The following ZFP1 variants were observed in gnomAD, a reference collection of about 807,000 sequenced individuals.
ZFP1 encodes the protein ZFP1 zinc finger protein.
In ZFP1, 32 loss-of-function variants were observed where a neutral mutation model predicts 38.5. The ratio of observed to expected loss-of-function variants is 0.83; its 90% CI spans 0.63 to 1.12. The LOEUF is 1.12. Ranked by LOEUF, ZFP1 falls within the 50% of genes most tolerant of loss-of-function variation. The probability of loss-of-function intolerance (pLI) is 0.00; values close to 1 mark genes in which losing one functional copy is unlikely to be tolerated. For missense variants in ZFP1, 616 were observed against 480.8 expected, an observed-to-expected ratio of 1.28 and a Z score of -2.63; for synonymous variants, 245 against 168.8, an observed-to-expected ratio of 1.45 and a Z score of -3.50.
At position 75,166,913 on chromosome 16, in the gene ZFP1, G is replaced by C. The variant is rs905830498; in HGVS notation, c.142+17G>C. The stretch of plus-strand genomic sequence containing the variant: ...TTTCAGTGGGTAAGGACGGTTTTCA[G>C]GTACAGCTCACCATGTGCCTAGAGG... On this transcript the variant is annotated intron_variant, in intron 3 of 3. Coordinates refer to ENST00000570010, the MANE Select transcript of ZFP1 (RefSeq NM_153688.4). 4 of 1,611,144 alleles carry C rather than the reference G, an allele frequency of 2.5e-6. No individual in the cohort carries two copies. The South Asian group carries it at 3.3e-5, about 13-fold the overall frequency.
the ZFP1 span, among the ~76,000 whole-genome samples, chr16:75,134,512 T>G: frequency 6.6e-6 from 1 of 151,854 alleles, no homozygotes; most frequent in Non-Finnish European, 1.5e-5. Context: ...ATCCCGGCAC[T>G]TTGGGAGGCC....
In ZFP1 at chr16:75,169,566, A is replaced by T; in HGVS notation, c.456A>T (p.Gly152=). The T allele has an allele frequency of 1.2e-6, 2 of 1,609,250 alleles. No individual in the cohort carries two copies. Among genetic ancestry groups the T allele is most frequent in the South Asian group, 2.2e-5 (2 of 90,110 alleles). The change falls in exon 4 of 4, where the codon GGA becomes GGT. Residue 152 remains glycine (G), a synonymous_variant. Transcript: ENST00000570010. ...TGAAGCAAGAGAAAACCCACAGTGG[A>T]GTAGAATATTCTGAATACAATAAAA... is the stretch of plus-strand genomic sequence containing the variant. The part of the protein sequence containing the change: ...LYLKQEKTHS[G]VEYSEYNKSG...
At chr16:75,150,382 T>C (rs796923237) in intron 1 of ZFP1, among the ~76,000 whole-genome samples, 10 of 43,128 alleles carry the variant, frequency 2.3e-4, no homozygotes, top group Admixed American at 1.0e-3. Context: ...CTAATTTTTT[T>C]ATTTTTTTTT....
chr16:75,125,998 T>TGAGAGGAGCAGGGTTGCAGTGAACC, the ZFP1 span, among the ~76,000 whole-genome samples: 3 of 139,104 alleles, frequency 2.2e-5, no homozygotes, highest in African/African-American at 5.4e-5. Flanking sequence ...AGCAGTGAGC[T>TGAGAGGAGCAGGGTTGCAGTGAACC]GAGATCAACC....
chr16:75,135,087 G>T, the ZFP1 span, among the ~76,000 whole-genome samples: 1 of 151,138 alleles, frequency 6.6e-6, no homozygotes, highest in Non-Finnish European at 1.5e-5. Flanking sequence ...GCTGGTGCCT[G>T]TAATCCCAGC....
chr16:75,148,761 G>C (rs2037012739), intron 1 of ZFP1, 118 bp downstream of exon 1: 1 of 152,288 alleles, frequency 6.6e-6, no homozygotes, highest in Non-Finnish European at 1.5e-5. Flanking sequence ...GTAGGCGGCA[G>C]TGACCCTCAG....
At chr16:75,159,399 C>A (rs1361006964) in intron 2 of ZFP1, among the ~76,000 whole-genome samples, 2 of 61,922 alleles carry the variant, frequency 3.2e-5, no homozygotes, top group African/African-American at 1.1e-4. Context: ...CTCTCTCTCT[C>A]TCACTTTTCA....
chr16:75,122,308 C>T, the ZFP1 span, among the ~76,000 whole-genome samples: 8 of 152,102 alleles, frequency 5.3e-5, no homozygotes, highest in Non-Finnish European at 7.3e-5. Flanking sequence ...GAGTACCAGC[C>T]GGAGTGGCAG....
In ZFP1 at chr16:75,170,362, ACTC is replaced by A; in HGVS notation, c.*31_*33del. 7 of 1,529,732 alleles carry A rather than the reference ACTC, an allele frequency of 4.6e-6. No homozygotes were observed. Among genetic ancestry groups the A allele is most frequent in the African/African-American group, 1.4e-5 (1 of 72,198 alleles). The allele number at this position is 1,529,732 out of a possible 1,614,324, so 94.8% of individuals were successfully genotyped here. On this transcript the variant is annotated 3_prime_UTR_variant, in exon 4 of 4. Coordinates refer to ENST00000570010, the MANE Select transcript of ZFP1 (RefSeq NM_153688.4). ...CTCCAGCCAGGTCTTACTGTGGAAA[ACTC>A]CTGCCAGAACTCTTCAAGCGGGTGA...
rs1162202329 is a variant in ZFP1, at chr16:75,148,610, C to G, written c.-77C>G. 6.6e-6 allele frequency: 1 copy of G among 152,258 alleles called. No homozygotes were observed. Among genetic ancestry groups the G allele is most frequent in the Non-Finnish European group, 1.5e-5 (1 of 68,082 alleles). The allele number at this position is 152,258 out of a possible 1,614,324, so 9.4% of individuals were successfully genotyped here. ...CGCCCTGCGCCGTGACCCGCTGTGGCACTGGGCCACGAGTGGAGGCTGCGC... is the reference window on the plus strand; with the variant it reads ...CGCCCTGCGCCGTGACCCGCTGTGGGACTGGGCCACGAGTGGAGGCTGCGC... On this transcript the variant is annotated 5_prime_UTR_variant, in exon 1 of 4. Transcript: ENST00000570010.
rs749524137 is a variant in ZFP1 at position 75,170,365 on chromosome 16, C to T, written c.*31C>T. 2.6e-6 allele frequency: 4 copies of T among 1,527,044 alleles called. No homozygotes were observed. The highest frequency in any genetic ancestry group is 3.5e-6 in the Non-Finnish European group (4 of 1,138,598). 94.6% of individuals were successfully genotyped at this position (1,527,044 alleles called of 1,614,324 possible). On this transcript the variant is annotated 3_prime_UTR_variant, in exon 4 of 4. Coordinates refer to ENST00000570010, the MANE Select transcript of ZFP1 (RefSeq NM_153688.4). ...CAGCCAGGTCTTACTGTGGAAAACT[C>T]CTGCCAGAACTCTTCAAGCGGGTGA...
At chr16:75,155,077 G>A (rs968000550) in intron 2 of ZFP1, among the ~76,000 whole-genome samples, 2 of 152,140 alleles carry the variant, frequency 1.3e-5, no homozygotes, top group African/African-American at 4.8e-5. Flanking sequence ...GATTACAAGC[G>A]TAAGTCACTG....
At chr16:75,161,354 C>T (rs919910645) in intron 2 of ZFP1, among the ~76,000 whole-genome samples, 8 of 151,944 alleles carry the variant, frequency 5.3e-5, no homozygotes, top group Non-Finnish European at 7.4e-5. Context: ...CAGGCGTGAG[C>T]CACTGCGCCC....
At chr16:75,166,143 T>C (rs2038069611) in intron 2 of ZFP1, among the ~76,000 whole-genome samples, 1 of 152,210 alleles carries the variant, frequency 6.6e-6, no homozygotes, top group African/African-American at 2.4e-5. Flanking sequence ...AACATCGATG[T>C]CACAGAAATA....
At chr16:75,152,871 C>T in intron 1 of ZFP1, 38 bp from the exon 2 acceptor site, 1 of 1,590,190 alleles carries the variant, frequency 6.3e-7, no homozygotes, top group African/African-American at 1.3e-5. Flanking sequence ...GCAGGTCAGA[C>T]CTTTAATAAC....
intron 2 of ZFP1, among the ~76,000 whole-genome samples, chr16:75,164,482 C>T (rs1190414929): frequency 6.6e-6 from 1 of 152,166 alleles, no homozygotes; most frequent in Non-Finnish European, 1.5e-5. Context: ...TATTTGCATA[C>T]TTTTAATATG....
chr16:75,147,646 GA>G (rs2036970526), upstream of ZFP1, among the ~76,000 whole-genome samples: 1 of 152,058 alleles, frequency 6.6e-6, no homozygotes, highest in African/African-American at 2.4e-5. Context: ...TCTGGTGTGG[GA>G]TATCAACTTT....
chr16:75,167,960 G>A (rs1484549007), intron 3 of ZFP1, among the ~76,000 whole-genome samples: 1 of 152,108 alleles, frequency 6.6e-6, no homozygotes, highest in Non-Finnish European at 1.5e-5. Context: ...GGGCATGGTG[G>A]CATGTGCCTG....
chr16:75,162,714 C>A (rs769678075), intron 2 of ZFP1, among the ~76,000 whole-genome samples: 24 of 152,048 alleles, frequency 1.6e-4, no homozygotes, highest in Non-Finnish European at 1.9e-4. Flanking sequence ...TCTTTATGTT[C>A]GTGAGTACCC....
Sources: allele counts gnomAD v4.1 joint callset (sites outside exome capture counted in the v4.1 genomes callset), GRCh38; gene constraint gnomAD v4.1.1; transcripts MANE v1.5; gene names NCBI Gene and HGNC (gene_info 2026-07-23, HGNC 2026-07-21).